The following EFCAB8 variants were observed in gnomAD, a reference collection of about 807,000 sequenced individuals.
EFCAB8 encodes EF-hand calcium binding domain 8.
EFCAB8 carries 100 observed loss-of-function variants against 116.3 expected under a neutral mutation model. The ratio of observed to expected loss-of-function variants is 0.86; its 90% CI spans 0.73 to 1.02. The LOEUF (loss-of-function observed/expected upper bound fraction) is 1.02. Ranked by LOEUF, EFCAB8 falls within the 50% of genes least tolerant of loss-of-function variation. The pLI, the probability that EFCAB8 is intolerant of heterozygous loss-of-function variation, is 0.00. For synonymous variants in EFCAB8, 558 were observed against 567.9 expected, an observed-to-expected ratio of 0.98 and a Z score of 0.25; for missense variants, 1,320 against 1,416.9, an observed-to-expected ratio of 0.93 and a Z score of 1.10.
In EFCAB8 at chr20:32,875,502, G is replaced by GTTTTTTT. The variant is rs57620114; in HGVS notation, c.209-412_209-406dup. ...CTGAGCACACCTGGTAAACATGGTGGTTTTTTTTTTTTTTTTTTGAGACAG... is the reference window on the plus strand; with the variant it reads ...CTGAGCACACCTGGTAAACATGGTGGTTTTTTTTTTTTTTTTTTTTTTTTTGAGACAG... On this transcript the variant is annotated intron_variant, in intron 3 of 26. Transcript: ENST00000400522. 1.1e-3 allele frequency among the ~76,000 whole-genome samples: 97 copies of GTTTTTTT among 89,870 alleles called. 2 individuals carry two copies. The highest frequency in any genetic ancestry group is 8.6e-3 in the Middle Eastern group (1 of 116). The allele number at this position is 89,870 out of a possible 152,430, so 59.0% of individuals were successfully genotyped here.
rs544264452 is a variant in EFCAB8, at chr20:32,934,156, A to G, written c.2790+2820A>G. Among the ~76,000 whole-genome samples, 8 of 151,844 alleles carry G rather than the reference A, an allele frequency of 5.3e-5. No individual in the cohort carries two copies. In the Middle Eastern group the frequency reaches 0.014, roughly 260 times the overall value. On this transcript the variant is annotated intron_variant, in intron 22 of 26. Transcript: ENST00000400522. ...ACCGTGCCCAGCCCTTTCTACTTCT[A>G]TGAGTTTGACTTTTTATAATTCCAT...
chr20:32,959,092 T>C lies in EFCAB8; in HGVS notation c.3089+542T>C, dbSNP rs1424203407. Reference sequence around the variant, plus strand: ...AGTAATTCTGGTTCATTCAAGAAAATGTGTATTGAGATCCTACTGACTGCC... The same window carrying C: ...AGTAATTCTGGTTCATTCAAGAAAACGTGTATTGAGATCCTACTGACTGCC... On this transcript the variant is annotated intron_variant, in intron 24 of 26. Transcript: ENST00000400522. Among the ~76,000 whole-genome samples the C allele has an allele frequency of 7.9e-5, 12 of 152,300 alleles. No individual in the cohort carries two copies. In the East Asian group the frequency reaches 2.3e-3, roughly 29 times the overall value.
chr20:32,931,070 G>GC, intron 21 of EFCAB8, 108 bp from the exon 22 acceptor site: 1 of 959,958 alleles, frequency 1.0e-6, no homozygotes, highest in Non-Finnish European at 1.5e-6. Flanking sequence ...AGTAAGAACT[G>GC]CCCCCCACCC....
intron 6 of EFCAB8, among the ~76,000 whole-genome samples, chr20:32,888,388 G>A (rs1262100516): frequency 6.6e-6 from 1 of 152,146 alleles, no homozygotes; most frequent in East Asian, 1.9e-4. Context: ...ACCACGCCCA[G>A]CTAACTTTTG....
At chr20:32,889,488 G>A (rs900014005) in intron 7 of EFCAB8, 82 bp downstream of exon 7, 1 of 1,367,586 alleles carries the variant, frequency 7.3e-7, no homozygotes, top group Non-Finnish European at 1.0e-6. Flanking sequence ...TGTTGGCTGA[G>A]CAACTGTGAA....
intron 1 of EFCAB8, among the ~76,000 whole-genome samples, chr20:32,861,623 G>A (rs1863604536): frequency 6.6e-6 from 1 of 152,210 alleles, no homozygotes; most frequent in Non-Finnish European, 1.5e-5. Context: ...CATGAGCCTG[G>A]TGTGGTGGCA....
intron 5 of EFCAB8, among the ~76,000 whole-genome samples, chr20:32,879,108 C>A (rs1985173736): frequency 6.6e-6 from 1 of 152,204 alleles, no homozygotes; most frequent in Non-Finnish European, 1.5e-5. Context: ...CTCTCAGCCC[C>A]CATTCCCCAG....
chr20:32,892,023 C>A (rs945200144), intron 7 of EFCAB8, among the ~76,000 whole-genome samples, 190 bp from the exon 8 acceptor site: 1 of 151,948 alleles, frequency 6.6e-6, no homozygotes, highest in South Asian at 2.1e-4. Flanking sequence ...CAGTTGGAAG[C>A]CTTTGGGGAT....
intron 3 of EFCAB8, among the ~76,000 whole-genome samples, chr20:32,873,110 C>T (rs1017278510): frequency 1.3e-5 from 2 of 151,998 alleles, no homozygotes; most frequent in Admixed American, 1.3e-4. Flanking sequence ...CAAAACAAAA[C>T]AAAACAGAAT....
At chr20:32,904,790 C>G (rs1296838342) in intron 11 of EFCAB8, among the ~76,000 whole-genome samples, 1 of 151,886 alleles carries the variant, frequency 6.6e-6, no homozygotes, top group Non-Finnish European at 1.5e-5. Flanking sequence ...CTATGCCTGG[C>G]TAATTTTTGT....
chr20:32,876,420 C>A (rs1000707258), intron 4 of EFCAB8, among the ~76,000 whole-genome samples: 4 of 152,172 alleles, frequency 2.6e-5, no homozygotes, highest in Non-Finnish European at 5.9e-5. Context: ...CAGCCTGTGG[C>A]TGTTACATCT....
chr20:32,888,553 C>T (rs1334492142), intron 6 of EFCAB8, among the ~76,000 whole-genome samples: 1 of 151,650 alleles, frequency 6.6e-6, no homozygotes, highest in Non-Finnish European at 1.5e-5. Flanking sequence ...ATGGGGTCTC[C>T]CTATGTTGCC....
chr20:32,892,874 T>A (rs1452179690), intron 8 of EFCAB8, among the ~76,000 whole-genome samples: 1 of 146,880 alleles, frequency 6.8e-6, no homozygotes, highest in African/African-American at 2.5e-5. Flanking sequence ...AGAGTCTCAC[T>A]CTGTGTCCCA....
rs904592266 is a variant in EFCAB8, at chr20:32,961,718, C to A, written c.*109C>A. ...GACCCAGAGGATGTGGCTCTTCCCC[C>A]GGCCACCCCACTGGGCCTCTCTGGG... On this transcript the variant is annotated 3_prime_UTR_variant, in exon 27 of 27. Coordinates refer to ENST00000400522, the MANE Select transcript of EFCAB8 (RefSeq NM_001143967.2). The A allele has an allele frequency of 1.6e-6, 1 of 635,380 alleles. No homozygotes were observed. The highest frequency in any genetic ancestry group is 2.3e-6 in the Non-Finnish European group (1 of 436,340). 39.4% of individuals were successfully genotyped at this position (635,380 alleles called of 1,614,324 possible). A position where few individuals can be genotyped will look rare whatever the true frequency, so the allele number is the denominator to read the frequency against.
chr20:32,899,108 G>A (rs1225553129), intron 11 of EFCAB8, among the ~76,000 whole-genome samples: 7 of 152,054 alleles, frequency 4.6e-5, no homozygotes, highest in South Asian at 2.1e-4. Flanking sequence ...GTTAGTCACC[G>A]GGCGCGGTGG....
intron 13 of EFCAB8, 57 bp from the exon 14 acceptor site, chr20:32,908,218 A>AT: frequency 8.0e-7 from 1 of 1,246,782 alleles, no homozygotes; most frequent in Non-Finnish European, 1.0e-6. Flanking sequence ...AGGCTTCAGG[A>AT]GCCGGCTACA....
At chr20:32,866,779 T>TCTTC (rs1018493938) in intron 2 of EFCAB8, among the ~76,000 whole-genome samples, 1 of 141,070 alleles carries the variant, frequency 7.1e-6, no homozygotes, top group African/African-American at 2.7e-5. Context: ...TTCCTCCCTT[T>TCTTC]CTTCCTTCCT....
At chr20:32,904,195 G>GTT (rs1986565165) in intron 11 of EFCAB8, among the ~76,000 whole-genome samples, 1 of 151,602 alleles carries the variant, frequency 6.6e-6, no homozygotes, top group Non-Finnish European at 1.5e-5. Context: ...ATCTTGCTGT[G>GTT]TTGCCCAGGC....
At chr20:32,939,179 CTTTCTTTCTTT>C (rs1988284107) in intron 22 of EFCAB8, among the ~76,000 whole-genome samples, 1 of 83,300 alleles carries the variant, frequency 1.2e-5, no homozygotes, top group African/African-American at 4.8e-5. Context: ...TTCTTTCTTT[CTTTCTTTCTTT>C]CTTTCTTTCT....
Sources: allele counts gnomAD v4.1 joint callset (sites outside exome capture counted in the v4.1 genomes callset), GRCh38; gene constraint gnomAD v4.1.1; transcripts MANE v1.5; gene names NCBI Gene and HGNC (gene_info 2026-07-23, HGNC 2026-07-21).